PRKCE: variants seen among roughly 807,000 people sequenced by gnomAD.
PRKCE encodes the protein protein kinase C epsilon.
Under a neutral mutation model 85.4 loss-of-function variants are expected in PRKCE, and 16 were observed. That is an observed-to-expected ratio of 0.19 (90% CI 0.13 to 0.28). PRKCE has a LOEUF of 0.28. PRKCE is among the 10% of genes least tolerant of loss of function. The pLI is 1.00. For synonymous variants in PRKCE, 388 were observed against 371.5 expected (o/e 1.04, Z -0.51); for missense variants, 573 against 975.2 (o/e 0.59, Z 5.49).
intron 1 of PRKCE, among the ~76,000 whole-genome samples, chr2:45,678,807 T>G (rs2204204): frequency 2.0e-5 from 3 of 152,040 alleles, no homozygotes; most frequent in African/African-American, 7.2e-5. Flanking sequence ...ACTTTGGGAA[T>G]TTGTGAAACT....
At chr2:46,070,510 A>G (rs1461563403) in intron 10 of PRKCE, among the ~76,000 whole-genome samples, 4 of 152,124 alleles carry the variant, frequency 2.6e-5, no homozygotes, top group African/African-American at 7.2e-5. Context: ...AGGTGTGGTG[A>G]CATGCACCTG....
intron 1 of PRKCE, among the ~76,000 whole-genome samples, chr2:45,810,459 G>C (rs1453605974): frequency 6.6e-6 from 1 of 152,138 alleles, no homozygotes; most frequent in Non-Finnish European, 1.5e-5. Flanking sequence ...TGTTATAGCT[G>C]GTTCAAAGAA....
chr2:46,071,532 G>A (rs1044566490), intron 10 of PRKCE, among the ~76,000 whole-genome samples: 2 of 152,128 alleles, frequency 1.3e-5, no homozygotes, highest in Non-Finnish European at 2.9e-5. Flanking sequence ...TTTTAACCCA[G>A]GCAGTCAGGA....
chr2:45,976,250 G>A (rs370918842), intron 2 of PRKCE, among the ~76,000 whole-genome samples, 179 bp from the exon 3 acceptor site: 2 of 152,080 alleles, frequency 1.3e-5, no homozygotes, highest in African/African-American at 4.8e-5. Flanking sequence ...ACATGTGCTC[G>A]CTCACTCCAG....
chr2:46,153,962 T>C (rs926222709), intron 13 of PRKCE, among the ~76,000 whole-genome samples: 4 of 151,910 alleles, frequency 2.6e-5, no homozygotes, highest in African/African-American at 9.7e-5. Flanking sequence ...AATTTTTGTA[T>C]TTTTAGTAGA....
At chr2:45,668,881 A>G (rs1379067588) in intron 1 of PRKCE, among the ~76,000 whole-genome samples, 1 of 152,206 alleles carries the variant, frequency 6.6e-6, no homozygotes, top group Non-Finnish European at 1.5e-5. Flanking sequence ...GCCCTTTCGT[A>G]TACAGTTTAC....
intron 1 of PRKCE, among the ~76,000 whole-genome samples, chr2:45,804,583 C>G (rs891678535): frequency 2.0e-5 from 3 of 152,160 alleles, no homozygotes; most frequent in Non-Finnish European, 4.4e-5. Context: ...ACAGGCTGTT[C>G]TAGAAAGCAC....
chr2:46,163,248 A>C (rs1311371536), intron 14 of PRKCE, among the ~76,000 whole-genome samples: 1 of 152,104 alleles, frequency 6.6e-6, no homozygotes, highest in East Asian at 1.9e-4. Flanking sequence ...GGCACCCCAC[A>C]GAGGGCACTG....
At chr2:45,971,357 T>C in intron 2 of PRKCE, among the ~76,000 whole-genome samples, 1 of 152,246 alleles carries the variant, frequency 6.6e-6, no homozygotes, top group East Asian at 1.9e-4. Flanking sequence ...TTTCTGTGTC[T>C]GAGTAACATT....
chr2:45,707,266 AT>A (rs897621009), intron 1 of PRKCE, among the ~76,000 whole-genome samples: 1 of 152,306 alleles, frequency 6.6e-6, no homozygotes, highest in Admixed American at 6.5e-5. Flanking sequence ...CATCTGTTAA[AT>A]GTGGAGGCTG....
At chr2:45,845,876 A>G (rs1298326187) in intron 2 of PRKCE, 1 of 152,212 alleles carries the variant, frequency 6.6e-6, no homozygotes, top group African/African-American at 2.4e-5. Flanking sequence ...ATTTCCGGCC[A>G]TGTGATTTTA....
intron 6 of PRKCE, among the ~76,000 whole-genome samples, chr2:45,987,183 G>C (rs764090401): frequency 3.9e-5 from 6 of 152,156 alleles, no homozygotes; most frequent in Non-Finnish European, 8.8e-5. Context: ...GGAAGAAGGA[G>C]GGGCAGGGAC....
At chr2:46,183,787 A>C (rs1407576086) in intron 14 of PRKCE, among the ~76,000 whole-genome samples, 2 of 151,930 alleles carry the variant, frequency 1.3e-5, no homozygotes, top group African/African-American at 4.8e-5. Flanking sequence ...CCAAATCCCA[A>C]CTTCTCCATG....
At chr2:46,017,433 T>C (rs771436210) in intron 10 of PRKCE, among the ~76,000 whole-genome samples, 2 of 152,224 alleles carry the variant, frequency 1.3e-5, no homozygotes, top group African/African-American at 2.4e-5. Flanking sequence ...GTGTATAATA[T>C]CACATTTCAC....
chr2:45,961,426 G>C (rs980517214), intron 2 of PRKCE, among the ~76,000 whole-genome samples: 1 of 152,152 alleles, frequency 6.6e-6, no homozygotes, highest in Non-Finnish European at 1.5e-5. Flanking sequence ...TTCATTTTCC[G>C]TGAGTCGGTT....
Position 45,817,398 on chromosome 2 carries a change from T to TA in PRKCE, c.349-25595dup, listed in dbSNP as rs541215544. 6.6e-5 allele frequency among the ~76,000 whole-genome samples: 10 copies of TA among 152,232 alleles called. No homozygotes were observed. The East Asian group carries it at 1.9e-3, about 29-fold the overall frequency. On this transcript the variant is annotated intron_variant, in intron 1 of 14. Coordinates refer to ENST00000306156, the MANE Select transcript of PRKCE (RefSeq NM_005400.3). Reference sequence around the variant, plus strand: ...CTTATCATGAATCAAATACTTTCTTTAAAAAAACTTTCCGGCTGGGCGCGG... The same window carrying TA: ...CTTATCATGAATCAAATACTTTCTTTAAAAAAAACTTTCCGGCTGGGCGCGG...
intron 6 of PRKCE, among the ~76,000 whole-genome samples, chr2:45,997,203 C>G (rs182289300): frequency 1.2e-4 from 18 of 152,250 alleles, no homozygotes; most frequent in Middle Eastern, 3.4e-3. Context: ...CTCTTTCTCT[C>G]TCTCTCTCTC....
intron 2 of PRKCE, among the ~76,000 whole-genome samples, chr2:45,896,464 C>T (rs188072373): frequency 1.3e-5 from 2 of 152,318 alleles, no homozygotes; most frequent in Admixed American, 6.5e-5. Context: ...TGCAACCATC[C>T]ACATGCCTGT....
chr2:45,862,459 T>C (rs553816163), intron 2 of PRKCE, among the ~76,000 whole-genome samples: 9 of 152,318 alleles, frequency 5.9e-5, no homozygotes, highest in African/African-American at 2.2e-4. Context: ...TCCATCTTTT[T>C]TCTTGGTGTC....
Sources: gnomAD v4.1 joint callset for allele counts (sites outside exome capture counted in the v4.1 genomes callset) on GRCh38, gnomAD v4.1.1 for gene constraint, MANE v1.5 for transcripts, NCBI Gene and HGNC (gene_info 2026-07-23, HGNC 2026-07-21) for gene names.